TRAPPC9: variants seen among roughly 807,000 people sequenced by gnomAD.
TRAPPC9 encodes the protein IKK2 binding protein.
Under a neutral mutation model 124.0 loss-of-function variants are expected in TRAPPC9, and 83 were observed. That is an observed-to-expected ratio of 0.67 (90% CI 0.56 to 0.80). The LOEUF (loss-of-function observed/expected upper bound fraction) is 0.80. Among genes scored for constraint, TRAPPC9 ranks in the 30% least tolerant of loss-of-function variants. TRAPPC9 has a pLI of 0.00. For synonymous variants in TRAPPC9, 638 were observed against 617.5 expected, an observed-to-expected ratio of 1.03 and a Z score of -0.49; for missense variants, 1,302 against 1,508.3, an observed-to-expected ratio of 0.86 and a Z score of 2.27.
intron 21 of TRAPPC9, among the ~76,000 whole-genome samples, chr8:139,827,284 G>A (rs893911275): frequency 2.6e-5 from 4 of 152,230 alleles, no homozygotes; most frequent in Admixed American, 2.6e-4. Flanking sequence ...CTCAGTATCC[G>A]CAGGGCCGAG....
rs142650008 is a variant in TRAPPC9 at position 140,352,116 on chromosome 8, CAT to C, written c.1495+7932_1495+7933del. The stretch of plus-strand genomic sequence containing the variant: ...ATTTCAAATAATTGAGATCATAAAA[CAT>C]GTGTGTGGAATTCAGAGCCTGGCTT... On this transcript the variant is annotated intron_variant, in intron 9 of 22. Coordinates refer to ENST00000438773, the MANE Select transcript of TRAPPC9 (RefSeq NM_001160372.4). Among the ~76,000 whole-genome samples, 220 of 152,194 alleles carry C rather than the reference CAT, an allele frequency of 1.4e-3. 5 individuals are homozygous for C. In the East Asian group the frequency reaches 0.039, roughly 27 times the overall value.
At position 140,371,161 on chromosome 8, in the gene TRAPPC9, A is replaced by C; in HGVS notation, c.1154T>G (p.Ile385Ser). The change falls in exon 8 of 23, where the codon ATT (isoleucine) becomes AGT (serine). Residue 385 changes from isoleucine (I) to serine (S), a missense_variant. Ile to Ser is a moderately radical substitution (Grantham distance 142). Coordinates refer to ENST00000438773, the MANE Select transcript of TRAPPC9 (RefSeq NM_001160372.4). Reference sequence around the variant, plus strand: ...CTCGGAGAGGATGCTGTAGCGCTGAATTTTCTCTTCCTCAGAAAGCTGAAG... The same window carrying C: ...CTCGGAGAGGATGCTGTAGCGCTGACTTTTCTCTTCCTCAGAAAGCTGAAG... ...NLRQLSEEEK[I>S]QRYSILSELY... 1 of 1,613,250 alleles carries C rather than the reference A, an allele frequency of 6.2e-7. No individual in the cohort carries two copies. Among genetic ancestry groups the C allele is most frequent in the Non-Finnish European group, 8.5e-7 (1 of 1,179,634 alleles).
chr8:139,807,212 C>T (rs867470896), intron 21 of TRAPPC9, among the ~76,000 whole-genome samples: 2 of 152,166 alleles, frequency 1.3e-5, no homozygotes, highest in Non-Finnish European at 2.9e-5. Flanking sequence ...GCATAGCCAG[C>T]GGGACAGGAG....
intron 9 of TRAPPC9, among the ~76,000 whole-genome samples, chr8:140,313,805 C>T (rs1028432048): frequency 3.9e-5 from 6 of 152,116 alleles, no homozygotes; most frequent in East Asian, 1.9e-4. Context: ...TTTTCAGCAG[C>T]GCCTACTGCC....
chr8:139,902,077 A>T (rs974734069), intron 20 of TRAPPC9, among the ~76,000 whole-genome samples: 2 of 152,216 alleles, frequency 1.3e-5, no homozygotes, highest in Non-Finnish European at 2.9e-5. Context: ...TATATGTCCA[A>T]CATGTACCTG....
chr8:139,846,577 C>T (rs2130911138), intron 21 of TRAPPC9, among the ~76,000 whole-genome samples: 1 of 152,382 alleles, frequency 6.6e-6, no homozygotes, highest in South Asian at 2.1e-4. Flanking sequence ...CACCCCCACA[C>T]ACATATAATT....
intron 17 of TRAPPC9, among the ~76,000 whole-genome samples, chr8:140,059,665 A>T (rs950963747): frequency 1.3e-5 from 2 of 152,162 alleles, no homozygotes; most frequent in East Asian, 3.9e-4. Flanking sequence ...ATTTCCCTGA[A>T]AATCTGTGAC....
chr8:140,166,852 T>G (rs2061846960), intron 17 of TRAPPC9, among the ~76,000 whole-genome samples: 1 of 152,240 alleles, frequency 6.6e-6, no homozygotes, highest in Non-Finnish European at 1.5e-5. Context: ...AGCCCTGCAC[T>G]GGGCCTAGGC....
At chr8:140,105,583 C>T (rs978632045) in intron 17 of TRAPPC9, among the ~76,000 whole-genome samples, 36 of 152,164 alleles carry the variant, frequency 2.4e-4, no homozygotes, top group Non-Finnish European at 1.3e-4. Flanking sequence ...CCTTTGAGCA[C>T]CCTGTGGACC....
At chr8:140,095,099 T>C (rs955743120) in intron 17 of TRAPPC9, 4 of 152,228 alleles carry the variant, frequency 2.6e-5, no homozygotes, top group African/African-American at 9.6e-5. Context: ...CAAACCATGG[T>C]GTGCCTGCCG....
At chr8:140,246,249 G>A (rs1213441969) in intron 16 of TRAPPC9, among the ~76,000 whole-genome samples, 2 of 152,160 alleles carry the variant, frequency 1.3e-5, no homozygotes, top group Non-Finnish European at 2.9e-5. Context: ...CTCCTTTGCT[G>A]CAAGTTTGAC....
At chr8:140,446,607 G>A (rs1442693572) in intron 2 of TRAPPC9, among the ~76,000 whole-genome samples, 3 of 152,150 alleles carry the variant, frequency 2.0e-5, no homozygotes, top group Non-Finnish European at 4.4e-5. Context: ...AGGCTAGAGT[G>A]CAATGGCATG....
At chr8:140,023,820 G>A in intron 18 of TRAPPC9, 117 bp downstream of exon 18, 1 of 1,485,358 alleles carries the variant, frequency 6.7e-7, no homozygotes, top group South Asian at 1.1e-5. Context: ...TCAGCAACTT[G>A]GCCCCATGGC....
At chr8:140,025,192 C>T (rs1000783950) in intron 17 of TRAPPC9, among the ~76,000 whole-genome samples, 2 of 152,194 alleles carry the variant, frequency 1.3e-5, no homozygotes, top group Non-Finnish European at 2.9e-5. Context: ...AGAGTAACCA[C>T]AGCAACAAGA....
Position 140,283,970 on chromosome 8 carries a change from A to G in TRAPPC9, c.2033T>C (p.Leu678Pro). 6.2e-7 allele frequency: 1 copy of G among 1,614,188 alleles called. No individual in the cohort carries two copies. The highest frequency in any genetic ancestry group is 8.5e-7 in the Non-Finnish European group (1 of 1,180,030). Residue 678 changes from leucine (L) to proline (P), a missense_variant, in exon 14 of 23, where the codon CTG becomes CCG. By Grantham distance (98) the Leu-to-Pro change is moderately conservative (BLOSUM62 -3). Coordinates refer to ENST00000438773, the MANE Select transcript of TRAPPC9 (RefSeq NM_001160372.4). ...GGAGCCACTGGTTTTTATTCCCGGC[A>G]GGTTATCCAGCAAACAGTCACTGAA... Reference protein sequence around the residue: ...GVFSDCLLDNLPGIKTSGSTV... With the variant: ...GVFSDCLLDNPPGIKTSGSTV...
At chr8:140,371,550 C>T (rs2068281806) in intron 7 of TRAPPC9, among the ~76,000 whole-genome samples, 1 of 152,232 alleles carries the variant, frequency 6.6e-6, no homozygotes, top group African/African-American at 2.4e-5. Flanking sequence ...TCTTAAAACA[C>T]AAGAAGACAC....
At chr8:139,903,118 A>G (rs1364193178) in intron 20 of TRAPPC9, among the ~76,000 whole-genome samples, 2 of 152,176 alleles carry the variant, frequency 1.3e-5, no homozygotes, top group East Asian at 3.9e-4. Context: ...GTTTGAGGAC[A>G]CAAGGCCCCC....
chr8:140,061,301 G>A, intron 17 of TRAPPC9, among the ~76,000 whole-genome samples: 1 of 49,636 alleles, frequency 2.0e-5, no homozygotes, highest in East Asian at 6.7e-4. Context: ...CTGCCCGGCA[G>A]CCTGTTGTGT....
intron 19 of TRAPPC9, among the ~76,000 whole-genome samples, chr8:139,918,693 C>T (rs953052411): frequency 6.6e-6 from 1 of 152,260 alleles, no homozygotes; most frequent in Non-Finnish European, 1.5e-5. Context: ...AGCACAGCCC[C>T]TTCGCTTGCA....
Sources: gnomAD v4.1 joint callset for allele counts (sites outside exome capture counted in the v4.1 genomes callset) on GRCh38, gnomAD v4.1.1 for gene constraint, MANE v1.5 for transcripts, NCBI Gene and HGNC (gene_info 2026-07-23, HGNC 2026-07-21) for gene names.